Variants in FREY1 observed in about 807,000 individuals in gnomAD.
FREY1 encodes protein Frey 1.
chr11:45,907,028 C>G, the FREY1 span: 4 of 1,564,788 alleles, frequency 2.6e-6, no homozygotes, highest in Non-Finnish European at 3.5e-6. Context: ...AGTGTGGGGG[C>G]ACTTGGCAAG....
At chr11:45,906,912 G>C in the FREY1 span, 1 of 1,613,816 alleles carries the variant, frequency 6.2e-7, no homozygotes, top group South Asian at 1.1e-5. Flanking sequence ...CCAGGGGGGC[G>C]GAAAATGCCT....
At chr11:45,907,043 C>T in the FREY1 span, 10 of 1,547,316 alleles carry the variant, frequency 6.5e-6, no homozygotes, top group Admixed American at 1.7e-5. Context: ...GGCAAGCCCT[C>T]GAACGCCCAG....
chr11:45,906,906 G>T, the FREY1 span: 7 of 1,613,858 alleles, frequency 4.3e-6, no homozygotes, highest in East Asian at 1.6e-4. Context: ...AGAGTTCCAG[G>T]GGGGCGGAAA....
chr11:45,907,214 G>A, the FREY1 span: 5 of 1,555,122 alleles, frequency 3.2e-6, no homozygotes, highest in African/African-American at 1.4e-5. Context: ...CCCAGCCCGG[G>A]GGTGCAGAGC....
chr11:45,906,610 C>T, the FREY1 span: 217 of 1,584,976 alleles, frequency 1.4e-4, no homozygotes, highest in Non-Finnish European at 1.6e-4. Flanking sequence ...AGGTCGGGCC[C>T]GTCCCGCTTG....
At chr11:45,907,266 C>A in the FREY1 span, 1 of 1,516,082 alleles carries the variant, frequency 6.6e-7, no homozygotes, top group Non-Finnish European at 8.9e-7. Flanking sequence ...GGTCCTGGCT[C>A]CTGTCGTCCC....
chr11:45,907,108 G>A, the FREY1 span: 51 of 1,542,936 alleles, frequency 3.3e-5, no homozygotes, highest in Middle Eastern at 1.8e-4. Flanking sequence ...TCCACCATCC[G>A]GCCCAAGTGC....
the FREY1 span, chr11:45,906,639 A>G: frequency 1.3e-6 from 2 of 1,596,720 alleles, no homozygotes; most frequent in East Asian, 2.2e-5. Flanking sequence ...GGCCCTAGAC[A>G]GGAGGGGTCG....
At chr11:45,907,026 G>A in the FREY1 span, 2 of 1,565,908 alleles carry the variant, frequency 1.3e-6, no homozygotes, top group African/African-American at 2.7e-5. Context: ...TCAGTGTGGG[G>A]GCACTTGGCA....
chr11:45,906,616 G>A, the FREY1 span: 20 of 1,588,924 alleles, frequency 1.3e-5, no homozygotes, highest in Admixed American at 3.6e-5. Flanking sequence ...GGCCCGTCCC[G>A]CTTGCGCTGC....
At chr11:45,906,902 C>T in the FREY1 span, 2 of 1,613,826 alleles carry the variant, frequency 1.2e-6, no homozygotes, top group African/African-American at 1.3e-5. Context: ...TGCGAGAGTT[C>T]CAGGGGGGCG....
the FREY1 span, chr11:45,906,721 G>A: frequency 2.5e-6 from 4 of 1,574,810 alleles, no homozygotes; most frequent in East Asian, 2.3e-5. Context: ...ATGGGTGGTA[G>A]GGGGCAGCTG....
the FREY1 span, chr11:45,907,005 G>A: frequency 1.3e-6 from 2 of 1,586,392 alleles, no homozygotes; most frequent in Non-Finnish European, 1.7e-6. Context: ...CCTTGTGAAT[G>A]GGGGGATGGC....
At chr11:45,907,103 C>G in the FREY1 span, 1 of 1,539,574 alleles carries the variant, frequency 6.5e-7, no homozygotes. Flanking sequence ...GCACCTCCAC[C>G]ATCCGGCCCA....
the FREY1 span, chr11:45,907,067 G>GC: frequency 6.6e-7 from 1 of 1,524,182 alleles, no homozygotes; most frequent in Non-Finnish European, 9.0e-7. Flanking sequence ...ACCAGGGCCA[G>GC]CCCCACTCCA....
the FREY1 span, chr11:45,907,123 C>T: frequency 6.4e-7 from 1 of 1,551,042 alleles, no homozygotes; most frequent in Non-Finnish European, 8.7e-7. Flanking sequence ...AAGTGCCCTG[C>T]CCTCTGTGCC....
At chr11:45,906,858 A>C in the FREY1 span, 1 of 1,613,726 alleles carries the variant, frequency 6.2e-7, no homozygotes, top group Non-Finnish European at 8.5e-7. Context: ...AGGGGACAAG[A>C]GAGATACTAC....
the FREY1 span, chr11:45,907,022 TG>T: frequency 6.4e-7 from 1 of 1,566,924 alleles, no homozygotes; most frequent in South Asian, 1.1e-5. Context: ...TGGCTCAGTG[TG>T]GGGGCACTTG....
the FREY1 span, chr11:45,907,270 T>C: frequency 2.0e-6 from 3 of 1,511,120 alleles, no homozygotes; most frequent in Non-Finnish European, 2.7e-6. Flanking sequence ...CTGGCTCCTG[T>C]CGTCCCTATG....
Sources: gnomAD v4.1 joint callset for allele counts on GRCh38, gnomAD v4.1.1 for gene constraint, MANE v1.5 for transcripts, NCBI Gene and HGNC (gene_info 2026-07-23, HGNC 2026-07-21) for gene names.